SMAD4: variants seen among roughly 807,000 people sequenced by gnomAD.
The protein encoded by SMAD4 is SMAD family member 4, also known as MAD homolog 4.
In SMAD4, 7 loss-of-function variants were observed where a neutral mutation model predicts 63.2. The observed-to-expected ratio is 0.11, with a 90% CI of 0.06 to 0.21. The LOEUF is 0.21. Ranked by LOEUF, SMAD4 falls within the 10% of genes least tolerant of loss-of-function variation. SMAD4 has a pLI of 1.00. For missense variants in SMAD4, 312 were observed against 693.8 expected, an observed-to-expected ratio of 0.45 and a Z score of 6.18; for synonymous variants, 215 against 235.4, an observed-to-expected ratio of 0.91 and a Z score of 0.79.
At chr18:51,040,322 G>A (rs1204651137) in intron 1 of SMAD4, among the ~76,000 whole-genome samples, 2 of 151,918 alleles carry the variant, frequency 1.3e-5, no homozygotes, top group East Asian at 3.9e-4. Flanking sequence ...TACTGGGGAG[G>A]CTGAGGCAGG....
intron 1 of SMAD4, among the ~76,000 whole-genome samples, chr18:51,043,758 G>A (rs1292464338): frequency 6.6e-6 from 1 of 152,216 alleles, no homozygotes; most frequent in Non-Finnish European, 1.5e-5. Context: ...ACATTTGATG[G>A]TGAGATTGTG....
At chr18:51,071,384 G>GT (rs1032344000) in intron 10 of SMAD4, among the ~76,000 whole-genome samples, 9 of 151,902 alleles carry the variant, frequency 5.9e-5, no homozygotes, top group South Asian at 2.1e-4. Context: ...CTAAATTGTG[G>GT]TTTTTTTCAC....
chr18:51,078,546 T>C lies in SMAD4; in HGVS notation c.*79T>C, dbSNP rs1383349138. 25 of 1,019,478 alleles carry C rather than the reference T, an allele frequency of 2.5e-5. No homozygotes were observed. In the East Asian group the frequency reaches 2.9e-4, roughly 12 times the overall value. The allele number at this position is 1,019,478 out of a possible 1,614,324, so 63.2% of individuals were successfully genotyped here. On this transcript the variant is annotated 3_prime_UTR_variant, in exon 12 of 12. Transcript: ENST00000342988. ...CAATCCTGTTTATAATCTGAAGATA[T>C]ATTTCACTTTTGTTCTGCTTTATCT...
Position 51,081,730 on chromosome 18 carries a change from GT to G in SMAD4, c.*3264del, listed in dbSNP as rs1910617389. On this transcript the variant is annotated 3_prime_UTR_variant, in exon 12 of 12. Transcript: ENST00000342988. The stretch of plus-strand genomic sequence containing the variant: ...ATACAAGTTGAAGGCAAAATAAAAT[GT>G]CCTGTCTCCCAGATGATATACATCT... The G allele has an allele frequency of 1.3e-5, 3 of 232,560 alleles. No individual in the cohort carries two copies. Among genetic ancestry groups the G allele is most frequent in the Non-Finnish European group, 2.5e-5 (3 of 117,736 alleles). 14.4% of individuals were successfully genotyped at this position (232,560 alleles called of 1,614,324 possible).
chr18:51,038,232 A>C (rs145047320), intron 1 of SMAD4, among the ~76,000 whole-genome samples: 47 of 135,504 alleles, frequency 3.5e-4, no homozygotes, highest in Non-Finnish European at 6.3e-4. Flanking sequence ...ACTCGGGCCT[A>C]GGCTACAGAG....
In SMAD4 at chr18:51,081,233, T is replaced by C. The variant is rs1214469535; in HGVS notation, c.*2766T>C. On this transcript the variant is annotated 3_prime_UTR_variant, in exon 12 of 12. Transcript: ENST00000342988. ...GTGGGTTTTCTCTAGCTAATTCATA[T>C]CTCAAAGAGTCTCAAAATGTTGAAT... is the stretch of plus-strand genomic sequence containing the variant. The C allele has an allele frequency of 4.4e-6, 1 of 224,754 alleles. No individual in the cohort carries two copies. Among genetic ancestry groups the C allele is most frequent in the Non-Finnish European group, 8.9e-6 (1 of 112,794 alleles). The allele number at this position is 224,754 out of a possible 1,614,324, so 13.9% of individuals were successfully genotyped here.
rs926282182 is a variant in SMAD4, at chr18:51,084,593, G to C, written c.*6126G>C. The stretch of plus-strand genomic sequence containing the variant: ...GAAACCAGCTGCTGTTGCAAAGGCT[G>C]CTTGTCATTGATAGAAGGACTCACG... On this transcript the variant is annotated 3_prime_UTR_variant, in exon 12 of 12. Coordinates refer to ENST00000342988, the MANE Select transcript of SMAD4 (RefSeq NM_005359.6). 4.3e-6 allele frequency: 1 copy of C among 230,012 alleles called. No individual in the cohort carries two copies. The highest frequency in any genetic ancestry group is 2.2e-5 in the African/African-American group (1 of 45,120). 14.2% of individuals were successfully genotyped at this position (230,012 alleles called of 1,614,324 possible). A position where few individuals can be genotyped will look rare whatever the true frequency, so the allele number is the denominator to read the frequency against.
rs1910562780 is a variant in SMAD4 at position 51,079,719 on chromosome 18, A to G, written c.*1252A>G. On this transcript the variant is annotated 3_prime_UTR_variant, in exon 12 of 12. Transcript: ENST00000342988. ...TGCAGATGTATTGACTGTACCACAG[A>G]CACAATATGTATGCTTTTTACCTAG... is the stretch of plus-strand genomic sequence containing the variant. 4.3e-6 allele frequency: 1 copy of G among 233,354 alleles called. No individual in the cohort carries two copies. The allele number at this position is 233,354 out of a possible 1,614,324, so 14.5% of individuals were successfully genotyped here. A position where few individuals can be genotyped will look rare whatever the true frequency, so the allele number is the denominator to read the frequency against.
intron 11 of SMAD4, chr18:51,077,407 C>T (rs1910497996): frequency 1.0e-6 from 1 of 984,628 alleles, no homozygotes; most frequent in Admixed American, 6.1e-5. Context: ...CTGTTCTTAA[C>T]CTCTTCAGTG....
chr18:51,046,250 CT>C (rs1370488466), intron 1 of SMAD4, among the ~76,000 whole-genome samples: 2 of 152,178 alleles, frequency 1.3e-5, no homozygotes, highest in Non-Finnish European at 2.9e-5. Flanking sequence ...GGTCCAATTT[CT>C]CGGCTTCTTC....
At chr18:51,049,217 C>T in intron 3 of SMAD4, 78 bp from the exon 4 acceptor site, 1 of 1,123,332 alleles carries the variant, frequency 8.9e-7, no homozygotes, top group East Asian at 2.4e-5. Flanking sequence ...TTTAAATTTA[C>T]ATTCTCTGTT....
intron 1 of SMAD4, among the ~76,000 whole-genome samples, chr18:51,046,439 T>G (rs1206654497): frequency 6.7e-6 from 1 of 148,586 alleles, no homozygotes; most frequent in Admixed American, 6.7e-5. Context: ...AAATTGGGGT[T>G]TTTTTTTTTT....
rs752138841 is a variant in SMAD4, at chr18:51,047,610, CT to C, written c.249+329del. Among the ~76,000 whole-genome samples the C allele has an allele frequency of 7.2e-3, 1,033 of 143,406 alleles. 4 individuals are homozygous for C. Among genetic ancestry groups the C allele is most frequent in the South Asian group, 9.3e-3 (42 of 4,538 alleles). 94.1% of individuals were successfully genotyped at this position (143,406 alleles called of 152,430 possible). ...ATTCATTTTTGTAGCCTGTTGTTTT[CT>C]TTTTTTTTTTTTTCCTAGACGGAGT... On this transcript the variant is annotated intron_variant, in intron 2 of 11. Transcript: ENST00000342988.
chr18:51,084,007 C>CGT lies in SMAD4; in HGVS notation c.*5541_*5542insTG, dbSNP rs1910680593. On this transcript the variant is annotated 3_prime_UTR_variant, in exon 12 of 12. Coordinates refer to ENST00000342988, the MANE Select transcript of SMAD4 (RefSeq NM_005359.6). ...AACACTTAACGCGCGTGCGCACGCG[C>CGT]GCGCGCACACACACACACACACACA... The CGT allele has an allele frequency of 8.5e-5, 6 of 70,338 alleles. No individual in the cohort carries two copies. Among genetic ancestry groups the CGT allele is most frequent in the Non-Finnish European group, 1.8e-4 (6 of 32,582 alleles). The allele number at this position is 70,338 out of a possible 1,614,324, so 4.4% of individuals were successfully genotyped here. A position where few individuals can be genotyped will look rare whatever the true frequency, so the allele number is the denominator to read the frequency against.
In SMAD4 at chr18:51,067,094, C is replaced by T. The variant is rs751732234; in HGVS notation, c.1215C>T (p.His405=). 41 of 1,611,820 alleles carry T rather than the reference C, an allele frequency of 2.5e-5. No homozygotes were observed. The highest frequency in any genetic ancestry group is 1.6e-4 in the Middle Eastern group (1 of 6,080). ...GDVWVRCLSD[H]AVFVQSYYLD... Reference sequence around the variant, plus strand: ...TTTGGGTCAGGTGCCTTAGTGACCACGCGGTCTTTGTACAGAGTTACTACT... The same window carrying T: ...TTTGGGTCAGGTGCCTTAGTGACCATGCGGTCTTTGTACAGAGTTACTACT... The change falls in exon 10 of 12, where the codon CAC becomes CAT. Residue 405 remains histidine (H), a synonymous_variant. Transcript: ENST00000342988.
intron 2 of SMAD4, 98 bp downstream of exon 2, chr18:51,047,393 C>G (rs547314824): frequency 1.9e-6 from 2 of 1,073,326 alleles, no homozygotes; most frequent in African/African-American, 1.5e-5. Flanking sequence ...TTAATTTGTG[C>G]TCCATCTCTT....
rs1296143377 is a variant in SMAD4 at position 51,080,363 on chromosome 18, T to G, written c.*1896T>G. On this transcript the variant is annotated 3_prime_UTR_variant, in exon 12 of 12. Transcript: ENST00000342988. ...TTTCAGTAAACACCTAATTTTCTTC[T>G]GTAAAAGTTTGGTGATTTAAGTTTT... 8.6e-6 allele frequency: 2 copies of G among 231,806 alleles called. No homozygotes were observed. Among genetic ancestry groups the G allele is most frequent in the Non-Finnish European group, 1.7e-5 (2 of 117,274 alleles). 14.4% of individuals were successfully genotyped at this position (231,806 alleles called of 1,614,324 possible). A position where few individuals can be genotyped will look rare whatever the true frequency, so the allele number is the denominator to read the frequency against.
chr18:51,041,270 A>G (rs151083259), intron 1 of SMAD4, among the ~76,000 whole-genome samples: 1 of 152,128 alleles, frequency 6.6e-6, no homozygotes, highest in African/African-American at 2.4e-5. Context: ...GCTTTTCCTC[A>G]TCATTTTCCT....
chr18:51,074,011 G>A (rs1333178123), intron 10 of SMAD4, among the ~76,000 whole-genome samples: 1 of 151,958 alleles, frequency 6.6e-6, no homozygotes, highest in Non-Finnish European at 1.5e-5. Flanking sequence ...TCTAGTAAAG[G>A]ACTGTTATCC....
Sources: gnomAD v4.1 joint callset for allele counts (sites outside exome capture counted in the v4.1 genomes callset) on GRCh38, gnomAD v4.1.1 for gene constraint, MANE v1.5 for transcripts, NCBI Gene and HGNC (gene_info 2026-07-23, HGNC 2026-07-21) for gene names.